Variants in JAZF1 observed in about 807,000 individuals in gnomAD.
JAZF1 encodes the protein JAZF zinc finger 1.
A neutral mutation model predicts 26.4 loss-of-function variants in JAZF1; 8 were observed. The observed-to-expected ratio is 0.30, with a 90% CI of 0.18 to 0.55. JAZF1 has a LOEUF of 0.55. Ranked by LOEUF, JAZF1 falls within the 20% of genes least tolerant of loss-of-function variation. The pLI is 0.94. For missense variants in JAZF1, 199 were observed against 322.0 expected, an observed-to-expected ratio of 0.62 and a Z score of 2.92; for synonymous variants, 126 against 122.3, an observed-to-expected ratio of 1.03 and a Z score of -0.20.
intron 2 of JAZF1, among the ~76,000 whole-genome samples, chr7:27,931,229 G>A (rs1301727335): frequency 6.6e-6 from 1 of 152,186 alleles, no homozygotes; most frequent in African/African-American, 2.4e-5. Context: ...CAGTGTGAAA[G>A]CAACCATAGA....
At chr7:28,069,526 A>T (rs1211158275) in intron 1 of JAZF1, among the ~76,000 whole-genome samples, 3 of 152,092 alleles carry the variant, frequency 2.0e-5, no homozygotes, top group Non-Finnish European at 4.4e-5. Context: ...AAGTCAGCTG[A>T]TTTGTTCCAT....
chr7:28,031,698 G>C lies in JAZF1; in HGVS notation c.116-39717C>G, dbSNP rs141028587. 1.8e-4 allele frequency among the ~76,000 whole-genome samples: 27 copies of C among 152,230 alleles called. No homozygotes were observed. In the East Asian group the frequency reaches 4.6e-3, roughly 26 times the overall value. On this transcript the variant is annotated intron_variant, in intron 1 of 4. Coordinates refer to ENST00000283928, the MANE Select transcript of JAZF1 (RefSeq NM_175061.4). ...AGTGGGAGCTGAACACATGGATACA[G>C]AGAGGGGAACAACACACACTGGGGC...
chr7:27,969,571 A>G (rs2128359261), intron 2 of JAZF1, among the ~76,000 whole-genome samples: 1 of 152,308 alleles, frequency 6.6e-6, no homozygotes, highest in South Asian at 2.1e-4. Context: ...CAAGACTGAC[A>G]CGAGTGCAAT....
chr7:28,070,980 CTG>C (rs1002531579), intron 1 of JAZF1, among the ~76,000 whole-genome samples: 5 of 152,160 alleles, frequency 3.3e-5, no homozygotes, highest in African/African-American at 1.2e-4. Context: ...GAAATGAAAA[CTG>C]TGAATACCTT....
At chr7:27,888,927 C>T (rs1052670770) in intron 3 of JAZF1, among the ~76,000 whole-genome samples, 1 of 152,180 alleles carries the variant, frequency 6.6e-6, no homozygotes, top group African/African-American at 2.4e-5. Context: ...CCAGCTCTTT[C>T]CATGGCTTCT....
At chr7:28,109,215 C>T (rs1303312279) in intron 1 of JAZF1, among the ~76,000 whole-genome samples, 1 of 152,154 alleles carries the variant, frequency 6.6e-6, no homozygotes, top group Non-Finnish European at 1.5e-5. Context: ...TCAATGTTTT[C>T]ACCACACACA....
intron 1 of JAZF1, among the ~76,000 whole-genome samples, chr7:27,994,455 C>CA (rs1785972152): frequency 9.0e-5 from 3 of 33,476 alleles, no homozygotes; most frequent in South Asian, 2.3e-3. Flanking sequence ...AAAAAAAAAA[C>CA]AAAAAACAAA....
intron 3 of JAZF1, among the ~76,000 whole-genome samples, chr7:27,861,194 G>A (rs762801675): frequency 2.6e-5 from 4 of 152,154 alleles, no homozygotes; most frequent in Non-Finnish European, 4.4e-5. Context: ...CTCCTCCTGG[G>A]AGACTCAGCT....
At chr7:27,947,504 C>T (rs539925907) in intron 2 of JAZF1, among the ~76,000 whole-genome samples, 144 of 152,326 alleles carry the variant, frequency 9.5e-4, no homozygotes, top group Non-Finnish European at 1.8e-3. Context: ...AGAGCCTCTG[C>T]TATTCCTTTC....
chr7:28,083,929 G>C (rs1339365806), intron 1 of JAZF1, among the ~76,000 whole-genome samples: 4 of 152,026 alleles, frequency 2.6e-5, no homozygotes, highest in Admixed American at 6.6e-5. Context: ...TATTGGTATT[G>C]CTTTTACATG....
intron 2 of JAZF1, among the ~76,000 whole-genome samples, chr7:27,908,086 G>A (rs772198631): frequency 4.6e-5 from 7 of 152,178 alleles, no homozygotes; most frequent in Non-Finnish European, 8.8e-5. Flanking sequence ...TGTAATATCT[G>A]AGAGAGAAAG....
chr7:28,108,042 G>T (rs991355309), intron 1 of JAZF1, among the ~76,000 whole-genome samples: 1 of 152,176 alleles, frequency 6.6e-6, no homozygotes, highest in African/African-American at 2.4e-5. Flanking sequence ...GACCTGGGGG[G>T]TGGGATGCAG....
chr7:27,849,598 C>T (rs556716795), intron 3 of JAZF1, among the ~76,000 whole-genome samples: 2 of 152,194 alleles, frequency 1.3e-5, no homozygotes, highest in Non-Finnish European at 2.9e-5. Flanking sequence ...CTCATTTCAG[C>T]ATTTCAGTTG....
rs79396366 is a variant in JAZF1, at chr7:28,005,677, T to C, written c.116-13696A>G. The stretch of plus-strand genomic sequence containing the variant: ...GCTGGGGATTTATCGTTCCTGATTC[T>C]GTGCAAGTTGTGTATTCATTCTACT... On this transcript the variant is annotated intron_variant, in intron 1 of 4. Coordinates refer to ENST00000283928, the MANE Select transcript of JAZF1 (RefSeq NM_175061.4). Among the ~76,000 whole-genome samples, 144 of 152,344 alleles carry C rather than the reference T, an allele frequency of 9.5e-4. 2 individuals carry two copies. The East Asian group carries it at 0.026, about 27-fold the overall frequency.
intron 1 of JAZF1, among the ~76,000 whole-genome samples, chr7:28,012,873 T>G (rs2128370692): frequency 6.6e-6 from 1 of 152,362 alleles, no homozygotes; most frequent in African/African-American, 2.4e-5. Context: ...TTTATCTTTC[T>G]TTTAGTTTAC....
intron 1 of JAZF1, among the ~76,000 whole-genome samples, chr7:28,004,482 A>G (rs1293633301): frequency 6.6e-6 from 1 of 152,020 alleles, no homozygotes; most frequent in African/African-American, 2.4e-5. Context: ...ACTATTACAG[A>G]CTCTGAGAAG....
At chr7:28,115,339 A>G (rs1319350632) in intron 1 of JAZF1, among the ~76,000 whole-genome samples, 1 of 152,258 alleles carries the variant, frequency 6.6e-6, no homozygotes, top group Admixed American at 6.5e-5. Flanking sequence ...AAAATTATAA[A>G]TGAGATAGCT....
chr7:27,885,897 T>C (rs146812601), intron 3 of JAZF1, among the ~76,000 whole-genome samples: 694 of 152,250 alleles, frequency 4.6e-3, no homozygotes, highest in African/African-American at 0.016. Flanking sequence ...TGGTGAAATA[T>C]TGTCTGCCCA....
chr7:28,047,828 A>C (rs1220433823), intron 1 of JAZF1, among the ~76,000 whole-genome samples: 6 of 152,096 alleles, frequency 3.9e-5, no homozygotes, highest in African/African-American at 7.2e-5. Context: ...ACGGAGTATT[A>C]TTTTTCTGGT....
Sources: gnomAD v4.1 joint callset for allele counts (sites outside exome capture counted in the v4.1 genomes callset) on GRCh38, gnomAD v4.1.1 for gene constraint, MANE v1.5 for transcripts, NCBI Gene and HGNC (gene_info 2026-07-23, HGNC 2026-07-21) for gene names.